COL4A5: variants seen among roughly 807,000 people sequenced by gnomAD.
COL4A5 encodes the protein collagen type IV alpha 5 chain, also known as collagen alpha-5(IV) chain.
Under a neutral mutation model 130.2 loss-of-function variants are expected in COL4A5, and 26 were observed. The ratio of observed to expected loss-of-function variants is 0.20; its 90% confidence interval spans 0.15 to 0.28. The LOEUF is 0.28. Among genes scored for constraint, COL4A5 ranks in the 10% least tolerant of loss-of-function variants. The pLI, the probability that COL4A5 is intolerant of heterozygous loss-of-function variation, is 1.00. For synonymous variants in COL4A5, 496 were observed against 439.6 expected, an observed-to-expected ratio of 1.13 and a Z score of -1.60; for missense variants, 1,131 against 1,344.3, an observed-to-expected ratio of 0.84 and a Z score of 2.48.
intron 1 of COL4A5, among the ~76,000 whole-genome samples, chrX:108,472,503 C>T (rs2064783469): frequency 9.0e-6 from 1 of 111,604 alleles, no homozygotes; most frequent in Non-Finnish European, 1.9e-5. Flanking sequence ...TATTTAGAGG[C>T]TCAGTTACTT....
chrX:108,642,248 G>T (rs1285834510), intron 36 of COL4A5, among the ~76,000 whole-genome samples: 1 of 110,419 alleles, frequency 9.1e-6, no homozygotes, highest in East Asian at 2.9e-4. Context: ...CCCAAGGAGG[G>T]TCTGAGCTCA....
chrX:108,607,146 C>T (rs1396604399), intron 29 of COL4A5, among the ~76,000 whole-genome samples: 3 of 110,346 alleles, frequency 2.7e-5, no homozygotes, highest in African/African-American at 9.9e-5. Flanking sequence ...GTGGGCGGAT[C>T]ACCTGAGGTC....
intron 36 of COL4A5, among the ~76,000 whole-genome samples, chrX:108,648,610 C>T (rs2067658705): frequency 9.0e-6 from 1 of 111,623 alleles, no homozygotes; most frequent in Non-Finnish European, 1.9e-5. Context: ...ATGTGATACA[C>T]CACATAAACA....
intron 3 of COL4A5, among the ~76,000 whole-genome samples, chrX:108,562,553 C>CT (rs1037391527): frequency 8.9e-6 from 1 of 111,787 alleles, no homozygotes; most frequent in African/African-American, 3.3e-5. Context: ...GCAGTCCAAT[C>CT]TTTTTTTGTG....
intron 1 of COL4A5, among the ~76,000 whole-genome samples, chrX:108,459,685 A>C (rs1453532814): frequency 8.9e-6 from 1 of 112,042 alleles, no homozygotes; most frequent in Non-Finnish European, 1.9e-5. Context: ...CTATATTTCA[A>C]ATTTATATAC....
intron 47 of COL4A5, among the ~76,000 whole-genome samples, chrX:108,682,684 T>C (rs1322832501): frequency 4.5e-5 from 5 of 112,207 alleles, no homozygotes; most frequent in Non-Finnish European, 7.5e-5. Flanking sequence ...GCCTCATAAA[T>C]GTCTTTTTTT....
intron 1 of COL4A5, among the ~76,000 whole-genome samples, chrX:108,443,861 A>G (rs1034441821): frequency 3.6e-5 from 4 of 112,189 alleles, no homozygotes; most frequent in Non-Finnish European, 7.5e-5. Context: ...ATTTTAGCAT[A>G]TGTTGATGAT....
chrX:108,662,665 A>G (rs2067986243), intron 37 of COL4A5, among the ~76,000 whole-genome samples: 1 of 111,995 alleles, frequency 8.9e-6, no homozygotes, highest in Non-Finnish European at 1.9e-5. Context: ...AGGGATGTCA[A>G]GGACTTCTTC....
chrX:108,506,338 T>A (rs2065123301), intron 1 of COL4A5, among the ~76,000 whole-genome samples: 1 of 88,058 alleles, frequency 1.1e-5, no homozygotes, highest in African/African-American at 4.0e-5. Context: ...CCTTTTATTC[T>A]ATCATCTATC....
At chrX:108,566,423 C>T (rs971340851) in intron 4 of COL4A5, among the ~76,000 whole-genome samples, 6 of 111,322 alleles carry the variant, frequency 5.4e-5, no homozygotes, top group African/African-American at 2.0e-4. Context: ...ACACAACAAG[C>T]TCTTTCATGC....
chrX:108,615,009 C>T lies in COL4A5; in HGVS notation c.2494C>T (p.Pro832Ser), dbSNP rs761855929. 2.0e-5 allele frequency: 24 copies of T among 1,193,274 alleles called. No homozygotes were observed. Among genetic ancestry groups the T allele is most frequent in the Non-Finnish European group, 2.6e-5 (23 of 879,140 alleles). ...ACCAGGACCACCAGGGATTCCTGGGCCAATAGGTCAACCTGGTAAGATTAG... is the reference window on the plus strand; with the variant it reads ...ACCAGGACCACCAGGGATTCCTGGGTCAATAGGTCAACCTGGTAAGATTAG... ...GPPGPPGIPG[P>S]IGQPGLHGIP... The change falls in exon 30 of 53, where the codon CCA (proline) becomes TCA (serine). Residue 832 changes from proline to serine, a missense_variant. By Grantham distance (74) the Pro-to-Ser change is moderately conservative. Coordinates refer to ENST00000328300, the MANE Select transcript of COL4A5 (RefSeq NM_033380.3).
intron 36 of COL4A5, among the ~76,000 whole-genome samples, chrX:108,648,234 AC>A (rs1316167646): frequency 9.0e-6 from 1 of 111,014 alleles, no homozygotes; most frequent in Non-Finnish European, 1.9e-5. Flanking sequence ...CAGACCAACA[AC>A]AAGCAGCAAG....
At chrX:108,524,349 C>T (rs1448578532) in intron 1 of COL4A5, among the ~76,000 whole-genome samples, 1 of 109,380 alleles carries the variant, frequency 9.1e-6, no homozygotes, top group Non-Finnish European at 1.9e-5. Flanking sequence ...CCCTGTTATT[C>T]TGATCTTAAT....
intron 4 of COL4A5, 92 bp from the exon 5 acceptor site, chrX:108,568,532 ATCTAT>A: frequency 1.6e-6 from 1 of 627,834 alleles, no homozygotes; most frequent in Non-Finnish European, 2.6e-6. Flanking sequence ...ATTTTTCCAA[ATCTAT>A]TCTAAAATAA....
At chrX:108,464,098 G>C (rs1038136063) in intron 1 of COL4A5, among the ~76,000 whole-genome samples, 5 of 111,447 alleles carry the variant, frequency 4.5e-5, no homozygotes, top group African/African-American at 1.6e-4. Flanking sequence ...CGTAGAGTAA[G>C]TGTTCAATAA....
At chrX:108,530,055 C>T (rs762894981) in intron 1 of COL4A5, among the ~76,000 whole-genome samples, 41 of 111,404 alleles carry the variant, frequency 3.7e-4, no homozygotes, top group African/African-American at 7.2e-4. Flanking sequence ...ACCCAATAAA[C>T]CTAACAGACA....
At chrX:108,532,384 C>T (rs2065396727) in intron 1 of COL4A5, among the ~76,000 whole-genome samples, 1 of 111,326 alleles carries the variant, frequency 9.0e-6, no homozygotes, top group African/African-American at 3.3e-5. Context: ...AACATCCCTT[C>T]GTGATTGAAA....
intron 1 of COL4A5, among the ~76,000 whole-genome samples, chrX:108,458,751 C>T (rs962302386): frequency 1.8e-5 from 2 of 111,623 alleles, no homozygotes; most frequent in African/African-American, 3.3e-5. Context: ...GAGGCCGAGG[C>T]GGGTGGATCA....
At chrX:108,532,702 A>G (rs2065400749) in intron 1 of COL4A5, among the ~76,000 whole-genome samples, 1 of 111,797 alleles carries the variant, frequency 8.9e-6, no homozygotes, top group Admixed American at 9.5e-5. Context: ...AAGTTGCAGG[A>G]TACAAAATCA....
Sources: allele counts gnomAD v4.1 joint callset (sites outside exome capture counted in the v4.1 genomes callset), GRCh38; gene constraint gnomAD v4.1.1; transcripts MANE v1.5; gene names NCBI Gene and HGNC (gene_info 2026-07-23, HGNC 2026-07-21).